The following PGD variants were observed in gnomAD, a reference collection of about 807,000 sequenced individuals.
PGD encodes the protein phosphogluconate dehydrogenase, also known as 6-phosphogluconate dehydrogenase, decarboxylating.
PGD carries 21 observed loss-of-function variants against 60.4 expected under a neutral mutation model. The observed-to-expected ratio is 0.35, with a 90% CI of 0.25 to 0.50. The LOEUF (loss-of-function observed/expected upper bound fraction) is 0.50, where lower values mean the gene tolerates loss of function less well. PGD is among the 20% of genes least tolerant of loss of function. The pLI, the probability that PGD is intolerant of heterozygous loss-of-function variation, is 0.98. For missense variants in PGD, 477 were observed against 613.1 expected, an observed-to-expected ratio of 0.78 and a Z score of 2.34; for synonymous variants, 230 against 235.9, an observed-to-expected ratio of 0.97 and a Z score of 0.23.
rs762359672 is a variant in PGD, at chr1:10,400,473, C to T, written c.165C>T (p.Ala55=). 90 of 1,613,708 alleles carry T rather than the reference C, an allele frequency of 5.6e-5. No homozygotes were observed. The highest frequency in any genetic ancestry group is 6.9e-5 in the Non-Finnish European group (82 of 1,179,860). The change falls in exon 3 of 13, where the codon GCC becomes GCT. Residue 55 remains alanine (A), a synonymous_variant. Coordinates refer to ENST00000270776, the MANE Select transcript of PGD (RefSeq NM_002631.4). ...NEAKGTKVVG[A]QSLKEMVSKL... ...CAAAGGGAACCAAAGTGGTGGGTGCCCAGTCCCTGAAAGAGATGGTCTCCA... is the reference window on the plus strand; with the variant it reads ...CAAAGGGAACCAAAGTGGTGGGTGCTCAGTCCCTGAAAGAGATGGTCTCCA...
rs1448482521 is a variant in PGD at position 10,417,366 on chromosome 1, C to T, written c.976-10C>T. On this transcript the variant is annotated splice_polypyrimidine_tract_variant and intron_variant, in intron 9 of 12. Coordinates refer to ENST00000270776, the MANE Select transcript of PGD (RefSeq NM_002631.4). ...TGGCAATCCTAGTAGGTCTCTGTGT[C>T]ACTCTTTAGGCACTCTACGCTTCCA... is the stretch of plus-strand genomic sequence containing the variant. The T allele has an allele frequency of 6.2e-7, 1 of 1,600,958 alleles. No individual in the cohort carries two copies. Among genetic ancestry groups the T allele is most frequent in the Non-Finnish European group, 8.5e-7 (1 of 1,173,264 alleles).
At position 10,413,221 on chromosome 1, in the gene PGD, C is replaced by T. The variant is rs776204335; in HGVS notation, c.814C>T (p.Leu272=). Residue 272 remains leucine, a synonymous_variant, in exon 8 of 13, where the codon CTG becomes TTG. Coordinates refer to ENST00000270776, the MANE Select transcript of PGD (RefSeq NM_002631.4). ...AGGGAAGTGGACCGCCATCTCCGCCCTGGAATACGGCGTACCCGTCACCCT... is the reference window on the plus strand; with the variant it reads ...AGGGAAGTGGACCGCCATCTCCGCCTTGGAATACGGCGTACCCGTCACCCT... ...GTGKWTAISA[L]EYGVPVTLIG... 2.5e-6 allele frequency: 4 copies of T among 1,614,188 alleles called. No individual in the cohort carries two copies. The Admixed American group carries it at 5.0e-5, about 20-fold the overall frequency.
intron 7 of PGD, 88 bp downstream of exon 7, chr1:10,411,640 C>T: frequency 2.0e-6 from 3 of 1,515,824 alleles, no homozygotes; most frequent in Non-Finnish European, 2.7e-6. Context: ...TTCCTATCCC[C>T]TTGGCCATTC....
At chr1:10,403,591 A>G (rs947375825) in intron 4 of PGD, among the ~76,000 whole-genome samples, 3 of 71,376 alleles carry the variant, frequency 4.2e-5, no homozygotes, top group East Asian at 3.5e-4. Flanking sequence ...ACTCCATCTG[A>G]AAAAAAAAAA....
At chr1:10,402,307 C>T (rs532013169) in intron 3 of PGD, among the ~76,000 whole-genome samples, 6 of 151,936 alleles carry the variant, frequency 3.9e-5, no homozygotes, top group East Asian at 3.9e-4. Flanking sequence ...TGGGCTCAAG[C>T]GATCCTCCTG....
chr1:10,403,002 C>T, intron 3 of PGD, 69 bp from the exon 4 acceptor site: 2 of 1,008,504 alleles, frequency 2.0e-6, no homozygotes, highest in Non-Finnish European at 3.2e-6. Flanking sequence ...GGAATAAATT[C>T]TTGTTTGTTT....
At chr1:10,419,129 C>G (rs1352239587) in intron 11 of PGD, among the ~76,000 whole-genome samples, 2 of 151,662 alleles carry the variant, frequency 1.3e-5, no homozygotes, top group South Asian at 4.2e-4. Flanking sequence ...CTGCCCCAGC[C>G]TTCCTAAGTA....
intron 10 of PGD, 42 bp from the exon 11 acceptor site, chr1:10,418,784 A>AAG: frequency 8.0e-7 from 1 of 1,251,056 alleles, no homozygotes; most frequent in East Asian, 2.3e-5. Flanking sequence ...AAAAAAAAAA[A>AAG]AAAAAAGACT....
intron 8 of PGD, among the ~76,000 whole-genome samples, chr1:10,414,406 GCT>G (rs2124209107): frequency 6.6e-6 from 1 of 152,112 alleles, no homozygotes; most frequent in South Asian, 2.1e-4. Context: ...ACGGTGTTGT[GCT>G]CTGTCACCCA....
intron 5 of PGD, 25 bp downstream of exon 5, chr1:10,404,304 A>G (rs1639363913): frequency 1.4e-6 from 2 of 1,436,308 alleles, no homozygotes; most frequent in South Asian, 1.2e-5. Context: ...CACTGTGCCC[A>G]TCTCTGTACA....
At position 10,413,062 on chromosome 1, in the gene PGD, G is replaced by A; in HGVS notation, c.655G>A (p.Ala219Thr). The change falls in exon 8 of 13, where the codon GCC (alanine) becomes ACC (threonine). Residue 219 changes from alanine (A) to threonine (T), a missense_variant and splice_region_variant. Around this residue, in one of 3 missense-constraint regions of PGD, gnomAD observed 431 missense variants for 556.6 expected, o/e 0.77. Transcript: ENST00000270776. Reference sequence around the variant, plus strand: ...GTTCTCTCCTGTGTTCTGCATGTAGGCCTTTGAGGATTGGAATAAGACAGA... The same window carrying A: ...GTTCTCTCCTGTGTTCTGCATGTAGACCTTTGAGGATTGGAATAAGACAGA... The part of the protein sequence containing the change: ...LGMAQDEMAQ[A>T]FEDWNKTELD... 6.2e-7 allele frequency: 1 copy of A among 1,613,450 alleles called. No homozygotes were observed. The highest frequency in any genetic ancestry group is 1.3e-5 in the African/African-American group (1 of 75,040).
intron 7 of PGD, among the ~76,000 whole-genome samples, chr1:10,412,505 T>A (rs936724478): frequency 2.6e-5 from 4 of 152,258 alleles, no homozygotes; most frequent in African/African-American, 9.6e-5. Context: ...TTACCTTAGT[T>A]TTCTTTCACA....
At chr1:10,415,071 A>C (rs1639572294) in intron 8 of PGD, among the ~76,000 whole-genome samples, 1 of 149,042 alleles carries the variant, frequency 6.7e-6, no homozygotes, top group Admixed American at 6.8e-5. Context: ...AGGCTGGGCG[A>C]CCGAGCAAGA....
At chr1:10,416,586 C>G (rs57794695) in intron 8 of PGD, among the ~76,000 whole-genome samples, 140 of 152,288 alleles carry the variant, frequency 9.2e-4, no homozygotes, top group African/African-American at 3.1e-3. Context: ...GCTTTTTAAT[C>G]ACCTGGGTGC....
At position 10,419,966 on chromosome 1, in the gene PGD, A is replaced by G. The variant is rs1209651749; in HGVS notation, c.*217A>G. 7.2e-6 allele frequency: 4 copies of G among 555,666 alleles called. No individual in the cohort carries two copies. Among genetic ancestry groups the G allele is most frequent in the Non-Finnish European group, 1.3e-5 (4 of 312,570 alleles). 34.4% of individuals were successfully genotyped at this position (555,666 alleles called of 1,614,324 possible). A position where few individuals can be genotyped will look rare whatever the true frequency, so the allele number is the denominator to read the frequency against. On this transcript the variant is annotated 3_prime_UTR_variant, in exon 13 of 13. Transcript: ENST00000270776. The stretch of plus-strand genomic sequence containing the variant: ...TCTTGGGACTGACCAGGAGCTGCTC[A>G]TGTGCGTGAGAGTGGGAACCATCTC...
In PGD at chr1:10,419,419, C is replaced by T. The variant is rs540205412; in HGVS notation, c.1212C>T (p.Asp404=). The T allele has an allele frequency of 6.2e-7, 1 of 1,612,966 alleles. No individual in the cohort carries two copies. Among genetic ancestry groups the T allele is most frequent in the South Asian group, 1.1e-5 (1 of 90,996 alleles). Residue 404 remains aspartate, a splice_region_variant and synonymous_variant, in exon 12 of 13, where the codon GAC becomes GAT. Transcript: ENST00000270776. ...FFKSAVENCQ[D]SWRRAVSTGV... is the part of the protein sequence containing the mutation. ...CTGGCCGTGCGTTTTGTGCTCAGGA[C>T]TCCTGGCGGCGGGCAGTCAGCACTG... is the stretch of plus-strand genomic sequence containing the variant.
chr1:10,403,918 G>T (rs1470864906), intron 4 of PGD, among the ~76,000 whole-genome samples: 2 of 152,144 alleles, frequency 1.3e-5, no homozygotes, highest in Non-Finnish European at 2.9e-5. Flanking sequence ...TTGGGGATGA[G>T]GTAGGTATCG....
At chr1:10,414,374 G>A (rs1215530816) in intron 8 of PGD, among the ~76,000 whole-genome samples, 1 of 151,896 alleles carries the variant, frequency 6.6e-6, no homozygotes, top group Non-Finnish European at 1.5e-5. Flanking sequence ...GTGGTTTTCA[G>A]TGTGTTTGTT....
At position 10,419,727 on chromosome 1, in the gene PGD, C is replaced by T; in HGVS notation, c.1430C>T (p.Ser477Leu). Residue 477 changes from serine to leucine, a missense_variant, in exon 13 of 13, where the codon TCA becomes TTA. This residue lies in a region of PGD where 44 missense variants were observed against 40.3 expected (regional missense o/e 1.09). Coordinates refer to ENST00000270776, the MANE Select transcript of PGD (RefSeq NM_002631.4). ...TNWTGHGGTVSSSSYNA is the reference protein window; with the variant it reads ...TNWTGHGGTVLSSSYNA Reference sequence around the variant, plus strand: ...TGGACAGGCCATGGTGGCACCGTGTCATCCTCGTCATACAATGCCTGATCA... The same window carrying T: ...TGGACAGGCCATGGTGGCACCGTGTTATCCTCGTCATACAATGCCTGATCA... 1 of 1,614,210 alleles carries T rather than the reference C, an allele frequency of 6.2e-7. No individual in the cohort carries two copies. Among genetic ancestry groups the T allele is most frequent in the Non-Finnish European group, 8.5e-7 (1 of 1,180,028 alleles).
Sources: allele counts gnomAD v4.1 joint callset (sites outside exome capture counted in the v4.1 genomes callset), GRCh38; gene constraint gnomAD v4.1.1; regional missense constraint gnomAD v4.1.1; transcripts MANE v1.5; gene names NCBI Gene and HGNC (gene_info 2026-07-23, HGNC 2026-07-21).